Variants in GUCY1B1 observed in about 807,000 individuals in gnomAD.
GUCY1B1 encodes guanylate cyclase soluble subunit beta-1.
In GUCY1B1, 43 loss-of-function variants were observed where a neutral mutation model predicts 71.0. The ratio of observed to expected loss-of-function variants is 0.61; its 90% confidence interval spans 0.47 to 0.78. The LOEUF (loss-of-function observed/expected upper bound fraction) is 0.78. Ranked by LOEUF, GUCY1B1 falls within the 30% of genes least tolerant of loss-of-function variation. The probability of loss-of-function intolerance (pLI) is 0.00; values close to 1 mark genes in which losing one functional copy is unlikely to be tolerated. For missense variants in GUCY1B1, 535 were observed against 754.1 expected, an observed-to-expected ratio of 0.71 and a Z score of 3.40; for synonymous variants, 266 against 259.7, an observed-to-expected ratio of 1.02 and a Z score of -0.23.
chr4:155,776,891 T>A (rs1738088999), intron 3 of GUCY1B1, among the ~76,000 whole-genome samples: 1 of 152,206 alleles, frequency 6.6e-6, no homozygotes, highest in African/African-American at 2.4e-5. Flanking sequence ...ATATCAAATA[T>A]ATGCTTTAAA....
intron 4 of GUCY1B1, among the ~76,000 whole-genome samples, chr4:155,781,055 T>C (rs2111062915): frequency 6.6e-6 from 1 of 152,288 alleles, no homozygotes; most frequent in South Asian, 2.1e-4. Context: ...CTCAGTTAGA[T>C]ACATTATTAA....
chr4:155,782,040 A>G (rs1738457810), intron 4 of GUCY1B1, among the ~76,000 whole-genome samples: 1 of 151,932 alleles, frequency 6.6e-6, no homozygotes, highest in East Asian at 1.9e-4. Context: ...TGCTATTGCT[A>G]TAGTCAATGT....
At chr4:155,763,518 G>C (rs747146639) in intron 2 of GUCY1B1, among the ~76,000 whole-genome samples, 31 of 149,438 alleles carry the variant, frequency 2.1e-4, no homozygotes, top group Non-Finnish European at 3.6e-4. Context: ...ACTGAGGATA[G>C]AAAAGCAATG....
chr4:155,805,862 C>G (rs1740276625), intron 13 of GUCY1B1, among the ~76,000 whole-genome samples: 1 of 152,108 alleles, frequency 6.6e-6, no homozygotes, highest in Non-Finnish European at 1.5e-5. Flanking sequence ...AGTGGCACAT[C>G]CAAAGTGGAA....
chr4:155,794,332 A>G (rs1739392232), intron 6 of GUCY1B1, among the ~76,000 whole-genome samples: 1 of 152,208 alleles, frequency 6.6e-6, no homozygotes, highest in African/African-American at 2.4e-5. Flanking sequence ...TAAGAATAGT[A>G]TACTTGTTAC....
At chr4:155,767,050 C>A (rs1372876003) in intron 2 of GUCY1B1, among the ~76,000 whole-genome samples, 1 of 152,136 alleles carries the variant, frequency 6.6e-6, no homozygotes, top group Non-Finnish European at 1.5e-5. Flanking sequence ...TAAAAGAAAG[C>A]CTGCCTCAAA....
chr4:155,797,735 A>AAATAATAAAAATAATAAT (rs1739655153), intron 8 of GUCY1B1, among the ~76,000 whole-genome samples: 1 of 144,978 alleles, frequency 6.9e-6, no homozygotes. Flanking sequence ...CACTGTCTCA[A>AAATAATAAAAATAATAAT]AATAATAATA....
At chr4:155,804,960 CATT>C in intron 12 of GUCY1B1, 140 bp from the exon 13 acceptor site, 4 of 778,600 alleles carry the variant, frequency 5.1e-6, no homozygotes, top group Non-Finnish European at 8.3e-6. Context: ...CTGATATGAT[CATT>C]GTTTCTAAAG....
Position 155,804,605 on chromosome 4 carries a change from A to T in GUCY1B1, c.1567A>T (p.Ile523Leu), listed in dbSNP as rs1206389862. Residue 523 changes from isoleucine (I) to leucine (L), a missense_variant, in exon 12 of 14, where the codon ATA becomes TTA. Ile to Leu is a conservative substitution (Grantham distance 5). Transcript: ENST00000264424. ...TTCTTTTTTGCAGATAACAATAGGG[A>T]TACACACTGGAGAGGTAGTTACAGG... ...DGESVQITIG[I>L]HTGEVVTGVI... is the part of the protein sequence containing the mutation. 2 of 1,612,206 alleles carry T rather than the reference A, an allele frequency of 1.2e-6. No homozygotes were observed. Among genetic ancestry groups the T allele is most frequent in the Non-Finnish European group, 1.7e-6 (2 of 1,178,512 alleles).
intron 2 of GUCY1B1, among the ~76,000 whole-genome samples, chr4:155,769,843 C>G (rs144035443): frequency 1.3e-3 from 197 of 151,992 alleles, no homozygotes; most frequent in African/African-American, 4.7e-3. Context: ...AAGGTAATTG[C>G]ATAATTTCCC....
Position 155,781,549 on chromosome 4 carries a change from T to A in GUCY1B1, c.297+3907T>A, listed in dbSNP as rs552482443. ...ACTTTAACAAAAAAATAGCTAGAAGTCCTAAATGGATAAATAAAATATAAT... is the reference window on the plus strand; with the variant it reads ...ACTTTAACAAAAAAATAGCTAGAAGACCTAAATGGATAAATAAAATATAAT... On this transcript the variant is annotated intron_variant, in intron 4 of 13. Transcript: ENST00000264424. 4.9e-3 allele frequency among the ~76,000 whole-genome samples: 745 copies of A among 151,942 alleles called. 6 individuals carry two copies. Among genetic ancestry groups the A allele is most frequent in the Non-Finnish European group, 5.4e-3 (367 of 67,948 alleles).
Position 155,802,450 on chromosome 4 carries a change from G to T in GUCY1B1, c.1284G>T (p.Val428=). 6.2e-7 allele frequency: 1 copy of T among 1,613,728 alleles called. No individual in the cohort carries two copies. Among genetic ancestry groups the T allele is most frequent in the Non-Finnish European group, 8.5e-7 (1 of 1,179,758 alleles). Residue 428 remains valine, a synonymous_variant, in exon 10 of 14, where the codon GTG becomes GTT. Coordinates refer to ENST00000264424, the MANE Select transcript of GUCY1B1 (RefSeq NM_000857.5). This position sits in a 1 kb window ranked among gnomAD's most constrained non-coding sequence, Gnocchi z 4.3. ...TGACCATCCTCTTTAGTGGCATTGTGGGCTTCAATGCTTTCTGTAGCAAGC... is the reference window on the plus strand; with the variant it reads ...TGACCATCCTCTTTAGTGGCATTGTTGGCTTCAATGCTTTCTGTAGCAAGC... ...DNVTILFSGI[V]GFNAFCSKHA...
At chr4:155,768,890 A>G (rs3796566) in intron 2 of GUCY1B1, among the ~76,000 whole-genome samples, 85,474 of 151,988 alleles carry the variant, frequency 0.56, 24,758 homozygotes, top group Middle Eastern at 0.76. Context: ...CCTTAGGGGC[A>G]ACAGAGCTTG....
chr4:155,794,231 G>T (rs778517279), intron 6 of GUCY1B1, 145 bp downstream of exon 6: 2 of 553,368 alleles, frequency 3.6e-6, no homozygotes, highest in Non-Finnish European at 6.4e-6. Flanking sequence ...TTGTTTAATT[G>T]TGAACTAAGT....
At chr4:155,765,300 C>T (rs1737259559) in intron 2 of GUCY1B1, among the ~76,000 whole-genome samples, 2 of 152,102 alleles carry the variant, frequency 1.3e-5, no homozygotes, top group Non-Finnish European at 2.9e-5. Flanking sequence ...GCTCTGCAGA[C>T]ATCAATAGGA....
At position 155,759,553 on chromosome 4, in the gene GUCY1B1, G is replaced by T. The variant is rs140264002; in HGVS notation, c.4-234G>T. 4,848 of 542,258 alleles carry T rather than the reference G, an allele frequency of 8.9e-3. 33 individuals carry two copies. The highest frequency in any genetic ancestry group is 0.012 in the Non-Finnish European group (3,718 of 310,554). 33.6% of individuals were successfully genotyped at this position (542,258 alleles called of 1,614,324 possible). A position where few individuals can be genotyped will look rare whatever the true frequency, so the allele number is the denominator to read the frequency against. On this transcript the variant is annotated intron_variant, in intron 1 of 13. Transcript: ENST00000264424. ...CGGAGCGGTGACAGGTGAGGAGGGT[G>T]GGAAGATAGCGTGGGGGTGGGGCGG...
chr4:155,787,235 G>A (rs1323413017), intron 4 of GUCY1B1, among the ~76,000 whole-genome samples: 4 of 152,156 alleles, frequency 2.6e-5, no homozygotes, highest in African/African-American at 4.8e-5. Flanking sequence ...TCCGGGGTTT[G>A]TAGGTTATAT....
chr4:155,792,178 A>G (rs1180244479), intron 5 of GUCY1B1, among the ~76,000 whole-genome samples: 1 of 152,172 alleles, frequency 6.6e-6, no homozygotes. Context: ...TATCAGGTCC[A>G]GAGATACCAG....
At chr4:155,790,438 T>C (rs1739078109) in intron 5 of GUCY1B1, among the ~76,000 whole-genome samples, 1 of 152,190 alleles carries the variant, frequency 6.6e-6, no homozygotes, top group African/African-American at 2.4e-5. Context: ...ACTTTAAAAA[T>C]TGTGCTGTTA....
Sources: gnomAD v4.1 joint callset for allele counts (sites outside exome capture counted in the v4.1 genomes callset) on GRCh38, gnomAD v4.1.1 for gene constraint, Gnocchi (gnomAD v3.1) non-coding constraint, MANE v1.5 for transcripts, NCBI Gene and HGNC (gene_info 2026-07-23, HGNC 2026-07-21) for gene names.